The following KCNU1 variants were observed in gnomAD, a reference collection of about 807,000 sequenced individuals.
KCNU1 encodes the protein potassium channel subfamily U member 1.
KCNU1 carries 93 observed loss-of-function variants against 126.8 expected under a neutral mutation model. The observed-to-expected ratio is 0.73, with a 90% CI of 0.62 to 0.87. The LOEUF is 0.87. Ranked by LOEUF, KCNU1 falls within the 40% of genes least tolerant of loss-of-function variation. The pLI, the probability that KCNU1 is intolerant of heterozygous loss-of-function variation, is 0.00. For synonymous variants in KCNU1, 523 were observed against 494.2 expected (o/e 1.06, Z -0.77); for missense variants, 1,330 against 1,367.1 (o/e 0.97, Z 0.43).
intron 22 of KCNU1, among the ~76,000 whole-genome samples, chr8:36,911,745 C>G (rs957197873): frequency 4.6e-5 from 7 of 152,104 alleles, no homozygotes; most frequent in African/African-American, 1.7e-4. Context: ...CTCTCAGTGC[C>G]TATTGCAATT....
chr8:36,929,854 G>A (rs111757524), intron 24 of KCNU1, among the ~76,000 whole-genome samples: 11 of 152,214 alleles, frequency 7.2e-5, no homozygotes, highest in African/African-American at 2.6e-4. Flanking sequence ...GTCACGATCT[G>A]ATTTGTGTTT....
chr8:36,818,301 A>T (rs913703693), intron 10 of KCNU1, among the ~76,000 whole-genome samples: 4 of 152,158 alleles, frequency 2.6e-5, no homozygotes, highest in African/African-American at 9.7e-5. Flanking sequence ...TCAATTTGGT[A>T]AGATTGACTA....
chr8:36,794,549 A>G (rs1418094387), intron 2 of KCNU1, among the ~76,000 whole-genome samples: 1 of 152,002 alleles, frequency 6.6e-6, no homozygotes, highest in African/African-American at 2.4e-5. Flanking sequence ...TGAACATATC[A>G]CATGCTACAC....
chr8:36,854,692 A>T (rs1448563883), intron 18 of KCNU1, among the ~76,000 whole-genome samples: 1 of 152,162 alleles, frequency 6.6e-6, no homozygotes, highest in Admixed American at 6.5e-5. Context: ...CTGATTTTAA[A>T]AGTCTTTGAC....
chr8:36,922,375 C>T lies in KCNU1; in HGVS notation c.2597-115C>T. ...AAAGGGGTTGATCCCACAGAGACCC[C>T]AAAGTAGACATCAGATCTTTTGATC... On this transcript the variant is annotated intron_variant, in intron 23 of 26. Coordinates refer to ENST00000399881, the MANE Select transcript of KCNU1 (RefSeq NM_001031836.3). 5.3e-6 allele frequency: 6 copies of T among 1,138,386 alleles called. No homozygotes were observed. The Middle Eastern group carries it at 8.4e-4, about 159-fold the overall frequency. 70.5% of individuals were successfully genotyped at this position (1,138,386 alleles called of 1,614,324 possible). A position where few individuals can be genotyped will look rare whatever the true frequency, so the allele number is the denominator to read the frequency against.
intron 18 of KCNU1, among the ~76,000 whole-genome samples, chr8:36,852,539 A>AT: frequency 1.3e-5 from 2 of 152,278 alleles, no homozygotes; most frequent in East Asian, 3.9e-4. Context: ...TTTACAAGTT[A>AT]TAAGTTTTTC....
Position 36,880,784 on chromosome 8 carries a change from C to T in KCNU1, c.2009+16263C>T, listed in dbSNP as rs79885130. On this transcript the variant is annotated intron_variant, in intron 19 of 26. Coordinates refer to ENST00000399881, the MANE Select transcript of KCNU1 (RefSeq NM_001031836.3). The stretch of plus-strand genomic sequence containing the variant: ...GTGCCTCTTGCTGAGGCATCCACCT[C>T]CACATTTGGAGGTAAATGTGTCATA... 5.5e-3 allele frequency among the ~76,000 whole-genome samples: 839 copies of T among 152,244 alleles called. 8 individuals are homozygous for T. The highest frequency in any genetic ancestry group is 0.019 in the African/African-American group (808 of 41,546).
At chr8:36,925,645 G>T (rs1464674714) in intron 24 of KCNU1, among the ~76,000 whole-genome samples, 1 of 152,142 alleles carries the variant, frequency 6.6e-6, no homozygotes, top group African/African-American at 2.4e-5. Context: ...GATCAAGACT[G>T]AGCCTCCAAT....
In KCNU1 at chr8:36,855,652, G is replaced by A. The variant is rs188011261; in HGVS notation, c.1892-8752G>A. ...TCGACTAAATGTTTTCAAGGCTCCTGTTGGTTAGTTTCCAGAGTTCTGAAA... is the reference window on the plus strand; with the variant it reads ...TCGACTAAATGTTTTCAAGGCTCCTATTGGTTAGTTTCCAGAGTTCTGAAA... On this transcript the variant is annotated intron_variant, in intron 18 of 26. Transcript: ENST00000399881. Among the ~76,000 whole-genome samples the A allele has an allele frequency of 7.2e-5, 11 of 152,058 alleles. No homozygotes were observed. In the East Asian group the frequency reaches 1.5e-3, roughly 21 times the overall value.
chr8:36,881,727 C>T (rs757124211), intron 19 of KCNU1, among the ~76,000 whole-genome samples: 16 of 151,768 alleles, frequency 1.1e-4, no homozygotes, highest in Middle Eastern at 3.4e-3. Flanking sequence ...CTTAATTTCT[C>T]TTCATCATAA....
intron 6 of KCNU1, among the ~76,000 whole-genome samples, chr8:36,807,813 T>TGA (rs1803562962): frequency 6.8e-6 from 1 of 147,148 alleles, no homozygotes; most frequent in South Asian, 2.1e-4. Context: ...CCTGGCTAGG[T>TGA]AAAAAAAAAA....
intron 2 of KCNU1, among the ~76,000 whole-genome samples, chr8:36,791,716 G>T (rs1364168962): frequency 6.6e-6 from 1 of 152,004 alleles, no homozygotes; most frequent in Non-Finnish European, 1.5e-5. Context: ...TACTTATTTT[G>T]CTGTTTTTTG....
At chr8:36,840,070 A>C (rs565137252) in intron 14 of KCNU1, among the ~76,000 whole-genome samples, 2 of 152,334 alleles carry the variant, frequency 1.3e-5, no homozygotes, top group South Asian at 4.1e-4. Flanking sequence ...GAAAACTAAA[A>C]TATTTTAAAC....
rs1321644045 is a variant in KCNU1, at chr8:36,909,325, G to A, written c.2121G>A (p.Lys707=). Residue 707 remains lysine (K), a synonymous_variant, in exon 21 of 27, where the codon AAG becomes AAA. Transcript: ENST00000399881. ...LDKVTLKRTG[K]SKYKFRNHIV... ...CTTATCCTTAGAAACGAACTGGCAAGTCAAAGTATAAGTTTCGGAACCATA... is the reference window on the plus strand; with the variant it reads ...CTTATCCTTAGAAACGAACTGGCAAATCAAAGTATAAGTTTCGGAACCATA... 6.2e-7 allele frequency: 1 copy of A among 1,612,446 alleles called. No individual in the cohort carries two copies. The highest frequency in any genetic ancestry group is 1.7e-5 in the Admixed American group (1 of 60,000).
chr8:36,889,222 T>C (rs777199948), intron 19 of KCNU1: 3 of 534,560 alleles, frequency 5.6e-6, no homozygotes, highest in South Asian at 1.4e-5. Context: ...CCACCTGGCA[T>C]GGTTGCTCTG....
intron 7 of KCNU1, among the ~76,000 whole-genome samples, chr8:36,813,771 C>T (rs1803808402): frequency 6.6e-6 from 1 of 152,006 alleles, no homozygotes; most frequent in Admixed American, 6.6e-5. Context: ...TGCTTAAGCT[C>T]ACTGAAATGA....
At chr8:36,874,319 G>A (rs535312837) in intron 19 of KCNU1, among the ~76,000 whole-genome samples, 3 of 152,120 alleles carry the variant, frequency 2.0e-5, no homozygotes, top group African/African-American at 7.2e-5. Flanking sequence ...TTTCCTAAAT[G>A]CTATTCTGTT....
intron 20 of KCNU1, among the ~76,000 whole-genome samples, chr8:36,908,690 T>C (rs947404496): frequency 1.3e-5 from 2 of 152,088 alleles, no homozygotes; most frequent in Non-Finnish European, 2.9e-5. Flanking sequence ...TTCTTTTTCT[T>C]GTATGCACTT....
rs1378260618 is a variant in KCNU1 at position 36,922,565 on chromosome 8, T to A, written c.2672T>A (p.Leu891His). 1 of 1,613,732 alleles carries A rather than the reference T, an allele frequency of 6.2e-7. No homozygotes were observed. The highest frequency in any genetic ancestry group is 1.1e-5 in the South Asian group (1 of 91,064). ...TCCCTCCAAGAAACAAATCTGCATCTCAGCACTGCCTTTTCTACGGGCACT... is the reference window on the plus strand; with the variant it reads ...TCCCTCCAAGAAACAAATCTGCATCACAGCACTGCCTTTTCTACGGGCACT... Reference protein sequence around the residue: ...EGSLQETNLHLSTAFSTGTVF... With the variant: ...EGSLQETNLHHSTAFSTGTVF... Residue 891 changes from leucine to histidine, a missense_variant, in exon 24 of 27, where the codon CTC (leucine) becomes CAC (histidine). By Grantham distance (99) the Leu-to-His change is moderately conservative. Coordinates refer to ENST00000399881, the MANE Select transcript of KCNU1 (RefSeq NM_001031836.3).
Sources: allele counts gnomAD v4.1 joint callset (sites outside exome capture counted in the v4.1 genomes callset), GRCh38; gene constraint gnomAD v4.1.1; transcripts MANE v1.5; gene names NCBI Gene and HGNC (gene_info 2026-07-23, HGNC 2026-07-21).